Variants in LRRC4C observed in about 807,000 individuals in gnomAD.
LRRC4C encodes leucine rich repeat containing 4C.
LRRC4C carries 5 observed loss-of-function variants against 33.6 expected under a neutral mutation model. The ratio of observed to expected loss-of-function variants is 0.15; its 90% CI spans 0.08 to 0.31. The LOEUF (loss-of-function observed/expected upper bound fraction) is 0.31. LRRC4C is among the 10% of genes least tolerant of loss of function. The probability of loss-of-function intolerance (pLI) is 1.00; values close to 1 mark genes in which losing one functional copy is unlikely to be tolerated. For missense variants in LRRC4C, 560 were observed against 796.7 expected, an observed-to-expected ratio of 0.70 and a Z score of 3.58; for synonymous variants, 329 against 302.0, an observed-to-expected ratio of 1.09 and a Z score of -0.93.
intron 2 of LRRC4C, among the ~76,000 whole-genome samples, chr11:40,803,915 A>G (rs564862854): frequency 6.6e-6 from 1 of 152,368 alleles, no homozygotes; most frequent in Non-Finnish European, 1.5e-5. Context: ...TTGTGTTACA[A>G]ACAATCCAAT....
chr11:41,013,912 T>G (rs556458860), intron 1 of LRRC4C, among the ~76,000 whole-genome samples: 14 of 152,094 alleles, frequency 9.2e-5, no homozygotes, highest in Middle Eastern at 3.4e-3. Flanking sequence ...GCTACACACT[T>G]TTAAACAACC....
At chr11:40,794,397 A>C (rs2135196563) in intron 2 of LRRC4C, among the ~76,000 whole-genome samples, 1 of 143,996 alleles carries the variant, frequency 6.9e-6, no homozygotes, top group South Asian at 2.2e-4. Flanking sequence ...AAAAAAAAAA[A>C]AAATGTGGCG....
intron 1 of LRRC4C, among the ~76,000 whole-genome samples, chr11:41,405,117 CAT>C (rs766505094): frequency 4.6e-5 from 7 of 152,100 alleles, no homozygotes; most frequent in Non-Finnish European, 8.8e-5. Context: ...TTTGGAAGTT[CAT>C]ATGATGCTTT....
chr11:40,865,518 TA>T, intron 2 of LRRC4C, among the ~76,000 whole-genome samples: 1 of 150,850 alleles, frequency 6.6e-6, no homozygotes, highest in East Asian at 1.9e-4. Flanking sequence ...TGTGTATATA[TA>T]TATATATATA....
intron 2 of LRRC4C, among the ~76,000 whole-genome samples, chr11:40,709,522 G>C (rs974441168): frequency 1.3e-5 from 2 of 152,108 alleles, no homozygotes; most frequent in African/African-American, 2.4e-5. Flanking sequence ...TAAGAATGTT[G>C]AATATTGACC....
chr11:40,157,443 A>G (rs766548496), intron 5 of LRRC4C, among the ~76,000 whole-genome samples: 52 of 152,236 alleles, frequency 3.4e-4, no homozygotes, highest in Non-Finnish European at 5.9e-4. Context: ...TTTGTACAGC[A>G]AAAGGAACAG....
chr11:40,493,363 C>A (rs892232530), intron 3 of LRRC4C, among the ~76,000 whole-genome samples: 4 of 151,980 alleles, frequency 2.6e-5, no homozygotes, highest in Non-Finnish European at 5.9e-5. Context: ...TTAAACAAGT[C>A]TTTTCCTTAA....
At chr11:40,444,688 G>C (rs993615693) in intron 3 of LRRC4C, among the ~76,000 whole-genome samples, 1 of 152,130 alleles carries the variant, frequency 6.6e-6, no homozygotes, top group East Asian at 1.9e-4. Flanking sequence ...ATGTGCTGCA[G>C]TGTTTTTCTG....
chr11:40,849,785 G>A (rs1182743021), intron 2 of LRRC4C, among the ~76,000 whole-genome samples: 5 of 151,768 alleles, frequency 3.3e-5, no homozygotes, highest in Admixed American at 3.3e-4. Context: ...ATCAAACATA[G>A]GTTTGATCAT....
intron 2 of LRRC4C, among the ~76,000 whole-genome samples, chr11:40,738,230 T>C (rs377453478): frequency 5.3e-5 from 8 of 152,282 alleles, no homozygotes; most frequent in African/African-American, 1.9e-4. Context: ...TCAAGATGTA[T>C]TAAGGACTTA....
At chr11:40,800,105 CTAAT>C (rs1950983390) in intron 2 of LRRC4C, among the ~76,000 whole-genome samples, 1 of 152,106 alleles carries the variant, frequency 6.6e-6, no homozygotes, top group Admixed American at 6.6e-5. Flanking sequence ...CTATAAATTC[CTAAT>C]TAAGTGTTTT....
At chr11:40,276,315 C>A (rs1050236712) in intron 4 of LRRC4C, among the ~76,000 whole-genome samples, 1 of 152,074 alleles carries the variant, frequency 6.6e-6, no homozygotes, top group Non-Finnish European at 1.5e-5. Context: ...CTTTGTCTTG[C>A]CAGCCCTAAG....
intron 1 of LRRC4C, among the ~76,000 whole-genome samples, chr11:41,025,177 T>C (rs991754309): frequency 1.3e-5 from 2 of 151,542 alleles, no homozygotes; most frequent in Non-Finnish European, 3.0e-5. Flanking sequence ...AGTTTGCCAG[T>C]GAAAGGAAGA....
At chr11:41,267,743 T>C (rs917725990) in intron 1 of LRRC4C, among the ~76,000 whole-genome samples, 2 of 152,102 alleles carry the variant, frequency 1.3e-5, no homozygotes, top group African/African-American at 2.4e-5. Context: ...TGTGATTGTA[T>C]GTAAGTTGTT....
At chr11:41,188,386 AG>A (rs1945789821) in intron 1 of LRRC4C, among the ~76,000 whole-genome samples, 1 of 152,184 alleles carries the variant, frequency 6.6e-6, no homozygotes, top group Non-Finnish European at 1.5e-5. Context: ...TTTCCAAAAA[AG>A]CAGCATAGCG....
intron 2 of LRRC4C, among the ~76,000 whole-genome samples, chr11:40,775,417 A>G (rs963230975): frequency 2.7e-5 from 4 of 150,582 alleles, no homozygotes; most frequent in Non-Finnish European, 4.5e-5. Flanking sequence ...CTGTTTCAAA[A>G]AAAAAAAAAA....
At chr11:41,026,741 AC>A (rs971839074) in intron 1 of LRRC4C, among the ~76,000 whole-genome samples, 7 of 151,548 alleles carry the variant, frequency 4.6e-5, no homozygotes, top group Admixed American at 1.3e-4. Context: ...ACCCTCCACT[AC>A]AAAAAAAGAT....
intron 2 of LRRC4C, among the ~76,000 whole-genome samples, chr11:40,907,903 T>C (rs1242450366): frequency 1.3e-5 from 2 of 152,210 alleles, no homozygotes; most frequent in African/African-American, 2.4e-5. Flanking sequence ...TTGCAAACTA[T>C]CATGTTCTAA....
chr11:41,378,657 G>T lies in LRRC4C; in HGVS notation c.-496+80774C>A, dbSNP rs8181492. On this transcript the variant is annotated intron_variant, in intron 1 of 6. Transcript: ENST00000528697. ...AAACAAAGATTTTAATCACTTATTA[G>T]ACTTTCCTTGAATCTCTAAACAGGT... Among the ~76,000 whole-genome samples the T allele has an allele frequency of 1.2e-3, 182 of 152,176 alleles. 4 individuals are homozygous for T. The East Asian group carries it at 0.031, about 26-fold the overall frequency.
Sources: gnomAD v4.1 joint callset for allele counts (sites outside exome capture counted in the v4.1 genomes callset) on GRCh38, gnomAD v4.1.1 for gene constraint, MANE v1.5 for transcripts, NCBI Gene and HGNC (gene_info 2026-07-23, HGNC 2026-07-21) for gene names.